The following LIMS2 variants were observed in gnomAD, a reference collection of about 807,000 sequenced individuals.
The protein encoded by LIMS2 is LIM zinc finger domain containing 2.
In LIMS2, 30 loss-of-function variants were observed where a neutral mutation model predicts 45.3. The observed-to-expected ratio is 0.66, with a 90% CI of 0.50 to 0.90. LIMS2 has a LOEUF of 0.90. Ranked by LOEUF, LIMS2 falls within the 40% of genes least tolerant of loss-of-function variation. The probability of loss-of-function intolerance (pLI) is 0.00; values close to 1 mark genes in which losing one functional copy is unlikely to be tolerated. For missense variants in LIMS2, 485 were observed against 468.7 expected (o/e 1.03, Z -0.32); for synonymous variants, 173 against 188.0 (o/e 0.92, Z 0.65).
At chr2:127,654,165 G>A (rs1035367895) in intron 4 of LIMS2, among the ~76,000 whole-genome samples, 11 of 152,106 alleles carry the variant, frequency 7.2e-5, no homozygotes, top group Non-Finnish European at 1.6e-4. Flanking sequence ...AGATGGGGTG[G>A]CCAGGGGGGT....
At position 127,642,657 on chromosome 2, in the gene LIMS2, T is replaced by C. The variant is rs981389110; in HGVS notation, c.509+266A>G. 2 of 488,634 alleles carry C rather than the reference T, an allele frequency of 4.1e-6. No homozygotes were observed. Among genetic ancestry groups the C allele is most frequent in the Non-Finnish European group, 7.4e-6 (2 of 271,740 alleles). 30.3% of individuals were successfully genotyped at this position (488,634 alleles called of 1,614,324 possible). On this transcript the variant is annotated intron_variant, in intron 5 of 9. Coordinates refer to ENST00000355119, the MANE Select transcript of LIMS2 (RefSeq NM_001161403.3). The surrounding 1 kb of genome is among the most constrained non-coding windows in gnomAD (Gnocchi z 5.3). ...CCACTGCTCCATCTCAACCCTCGTC[T>C]GCAGTCTAGGGGTCCAGCCCACCCG... is the stretch of plus-strand genomic sequence containing the variant.
Position 127,657,554 on chromosome 2 carries a change from G to A in LIMS2, c.20C>T (p.Ser7Leu), listed in dbSNP as rs369093987. MTGSNM[S>L]DALANAVCQR... ...GCACACGGCGTTGGCCAAGGCGTCC[G>A]ACATATTGCTGGGGGCAGGAGACAG... The change falls in exon 2 of 10, where the codon TCG becomes TTG. Residue 7 changes from serine (S) to leucine (L), a missense_variant. Coordinates refer to ENST00000355119, the MANE Select transcript of LIMS2 (RefSeq NM_001161403.3). 22 of 1,599,976 alleles carry A rather than the reference G, an allele frequency of 1.4e-5. No homozygotes were observed. The highest frequency in any genetic ancestry group is 6.8e-5 in the South Asian group (6 of 88,390).
chr2:127,681,184 C>G (rs966728733), intron 1 of LIMS2: 1 of 152,364 alleles, frequency 6.6e-6, no homozygotes, highest in African/African-American at 2.4e-5. Context: ...AGGGCAGCCC[C>G]TCCAGGGCTG....
rs1171577485 is a variant in LIMS2, at chr2:127,664,374, C to A, written c.12-6812G>T. On this transcript the variant is annotated intron_variant, in intron 1 of 9. Coordinates refer to ENST00000355119, the MANE Select transcript of LIMS2 (RefSeq NM_001161403.3). The surrounding 1 kb of genome is among the most constrained non-coding windows in gnomAD (Gnocchi z 5.5). The stretch of plus-strand genomic sequence containing the variant: ...ACAGCCCCGACGCGGCCAGCGCACC[C>A]AGCCGGGCCGCCATGGCGCGGGGCA... The A allele has an allele frequency of 8.2e-7, 1 of 1,213,448 alleles. No individual in the cohort carries two copies. Among genetic ancestry groups the A allele is most frequent in the East Asian group, 3.3e-5 (1 of 29,966 alleles). The allele number at this position is 1,213,448 out of a possible 1,614,324, so 75.2% of individuals were successfully genotyped here.
chr2:127,643,017 T>G lies in LIMS2; in HGVS notation c.415A>C (p.Ile139Leu). ...ATGACCAGGTGGCACCGCTGGCAGA[T>G]GTACTTGCCCAGGCCCTTGGCCTTC... ...REKAKGLGKY[I>L]CQRCHLVIDE... Residue 139 changes from isoleucine (I) to leucine (L), a missense_variant, in exon 5 of 10, where the codon ATC becomes CTC. Physicochemically the swap from Ile to Leu is conservative, Grantham distance 5 (BLOSUM62 2). Transcript: ENST00000355119. The G allele has an allele frequency of 6.3e-7, 1 of 1,585,814 alleles. No homozygotes were observed. The highest frequency in any genetic ancestry group is 1.3e-5 in the African/African-American group (1 of 74,566).
intron 4 of LIMS2, among the ~76,000 whole-genome samples, chr2:127,649,095 AAAG>A (rs1490747598): frequency 6.9e-6 from 1 of 144,518 alleles, no homozygotes; most frequent in East Asian, 2.0e-4. Flanking sequence ...AAAAAAGAAA[AAAG>A]AAAAGAAAAA....
At chr2:127,640,735 G>A (rs1381363102) in intron 7 of LIMS2, 161 bp downstream of exon 7, 1 of 651,960 alleles carries the variant, frequency 1.5e-6, no homozygotes, top group Non-Finnish European at 2.7e-6. Context: ...GAGCTGCCCA[G>A]GTCTCGAGAC....
intron 4 of LIMS2, among the ~76,000 whole-genome samples, chr2:127,645,573 AGGACAGC>A (rs1682882614): frequency 6.6e-6 from 1 of 152,216 alleles, no homozygotes; most frequent in South Asian, 2.1e-4. Flanking sequence ...CCTCACGGAC[AGGACAGC>A]GCCCCATTAT....
At chr2:127,644,960 C>T (rs969118473) in intron 4 of LIMS2, among the ~76,000 whole-genome samples, 5 of 152,244 alleles carry the variant, frequency 3.3e-5, no homozygotes, top group African/African-American at 1.2e-4. Context: ...GAAACAGCTT[C>T]TCAACAGACC....
chr2:127,649,985 T>A (rs1305577702), intron 4 of LIMS2: 1 of 1,597,438 alleles, frequency 6.3e-7, no homozygotes, highest in South Asian at 1.1e-5. Context: ...AGGCTTCTCC[T>A]AAACACAGGT....
At chr2:127,639,965 T>C in intron 9 of LIMS2, 105 bp downstream of exon 9, 2 of 1,240,990 alleles carry the variant, frequency 1.6e-6, no homozygotes, top group Non-Finnish European at 2.3e-6. Context: ...GTCCCCACCA[T>C]ATCCCCAGGC....
chr2:127,642,570 C>T lies in LIMS2; in HGVS notation c.509+353G>A, dbSNP rs1282289752. ...GGCTGAGGGGCTGCCTATGCAACTC[C>T]TCTCTCCAACACCAGCACCAAGCCC... On this transcript the variant is annotated intron_variant, in intron 5 of 9. Transcript: ENST00000355119. The surrounding 1 kb of genome is among the most constrained non-coding windows in gnomAD (Gnocchi z 5.3). The T allele has an allele frequency of 2.7e-6, 1 of 369,648 alleles. No homozygotes were observed. The highest frequency in any genetic ancestry group is 4.9e-6 in the Non-Finnish European group (1 of 202,732). The allele number at this position is 369,648 out of a possible 1,614,324, so 22.9% of individuals were successfully genotyped here.
At position 127,667,296 on chromosome 2, in the gene LIMS2, G is replaced by C. The variant is rs548113387; in HGVS notation, c.11+7718C>G. Among the ~76,000 whole-genome samples the C allele has an allele frequency of 2.0e-5, 3 of 151,744 alleles. No individual in the cohort carries two copies. The South Asian group carries it at 6.3e-4, about 32-fold the overall frequency. ...ACAGAGTGAGATCTTGTCTCAAAAA[G>C]AGAAAAAAACAAAAAACAAAAAACA... is the stretch of plus-strand genomic sequence containing the variant. On this transcript the variant is annotated intron_variant, in intron 1 of 9. Transcript: ENST00000355119. This position sits in a 1 kb window ranked among gnomAD's most constrained non-coding sequence, Gnocchi z 4.1.
At position 127,653,931 on chromosome 2, in the gene LIMS2, G is replaced by GGGATCTCAGAGCTAGGGCCA. The variant is rs1309785998; in HGVS notation, c.359+473_359+492dup. ...CTCACAGACAGAGGCCGGGCTGCAC[G>GGGATCTCAGAGCTAGGGCCA]GGATCTCAGAGCTAGGGCCAGGGGA... On this transcript the variant is annotated intron_variant, in intron 4 of 9. Transcript: ENST00000355119. The surrounding 1 kb of genome is among the most constrained non-coding windows in gnomAD (Gnocchi z 5.3). Among the ~76,000 whole-genome samples the GGGATCTCAGAGCTAGGGCCA allele has an allele frequency of 6.6e-6, 1 of 152,066 alleles. No homozygotes were observed. Among genetic ancestry groups the GGGATCTCAGAGCTAGGGCCA allele is most frequent in the Non-Finnish European group, 1.5e-5 (1 of 68,012 alleles).
chr2:127,657,585 G>A (rs776663443), intron 1 of LIMS2, 23 bp from the exon 2 acceptor site: 18 of 1,580,970 alleles, frequency 1.1e-5, no homozygotes, highest in Non-Finnish European at 1.5e-5. Flanking sequence ...GACAGGAGGA[G>A]TGAGTCAGAG....
chr2:127,654,553 A>T lies in LIMS2; in HGVS notation c.239-9T>A. On this transcript the variant is annotated splice_polypyrimidine_tract_variant and intron_variant, in intron 3 of 9. Coordinates refer to ENST00000355119, the MANE Select transcript of LIMS2 (RefSeq NM_001161403.3). ...GCCAATGATGAACTCACCTGGAAGA[A>T]GACAGGTCCCTGCTGGCTGGGGAGC... 1.2e-6 allele frequency: 2 copies of T among 1,614,126 alleles called. No homozygotes were observed. The highest frequency in any genetic ancestry group is 2.2e-5 in the East Asian group (1 of 44,886).
In LIMS2 at chr2:127,664,837, C is replaced by G. The variant is rs1436806972; in HGVS notation, c.12-7275G>C. On this transcript the variant is annotated intron_variant, in intron 1 of 9. Transcript: ENST00000355119. This position sits in a 1 kb window ranked among gnomAD's most constrained non-coding sequence, Gnocchi z 5.5. ...GACCTGGCGCCTTTAGGATCCCTGC[C>G]AACAGTTAGGAAACCGAGGACCGGA... Among the ~76,000 whole-genome samples, 1 of 152,182 alleles carries G rather than the reference C, an allele frequency of 6.6e-6. No homozygotes were observed. The highest frequency in any genetic ancestry group is 1.5e-5 in the Non-Finnish European group (1 of 68,036).
chr2:127,645,259 C>T (rs1423641994), intron 4 of LIMS2, among the ~76,000 whole-genome samples: 1 of 152,226 alleles, frequency 6.6e-6, no homozygotes, highest in Non-Finnish European at 1.5e-5. Context: ...AAATTTAAGA[C>T]ACTGCCCCTT....
rs748150053 is a variant in LIMS2, at chr2:127,640,263, G to A, written c.802+7C>T. 19 of 1,613,180 alleles carry A rather than the reference G, an allele frequency of 1.2e-5. No individual in the cohort carries two copies. The East Asian group carries it at 2.2e-4, about 19-fold the overall frequency. ...GGTGGGGTGGGGGAGGGAACACAGG[G>A]CCTCACCATCGCCTTCAATCACATG... is the stretch of plus-strand genomic sequence containing the variant. On this transcript the variant is annotated splice_region_variant and intron_variant, in intron 8 of 9. Transcript: ENST00000355119.
Sources: allele counts gnomAD v4.1 joint callset (sites outside exome capture counted in the v4.1 genomes callset), GRCh38; gene constraint gnomAD v4.1.1; non-coding constraint Gnocchi (gnomAD v3.1); transcripts MANE v1.5; gene names NCBI Gene and HGNC (gene_info 2026-07-23, HGNC 2026-07-21).